Variants in METTL16 observed in about 807,000 individuals in gnomAD.
METTL16 encodes methyltransferase 16, RNA N6-adenosine, also known as RNA N(6)-adenosine-methyltransferase METTL16.
METTL16 carries 19 observed loss-of-function variants against 57.9 expected under a neutral mutation model. That is an observed-to-expected ratio of 0.33 (90% CI 0.23 to 0.48). The LOEUF is 0.48. METTL16 is among the 20% of genes least tolerant of loss of function. The pLI is 0.99. For synonymous variants in METTL16, 246 were observed against 255.6 expected (o/e 0.96, Z 0.36); for missense variants, 434 against 691.5 (o/e 0.63, Z 4.18).
chr17:2,506,702 C>A (rs557057747), intron 1 of METTL16, among the ~76,000 whole-genome samples: 1 of 152,238 alleles, frequency 6.6e-6, no homozygotes, highest in East Asian at 1.9e-4. Flanking sequence ...TCTGCCCAGC[C>A]GCCACCCCGT....
intron 3 of METTL16, 74 bp from the exon 4 acceptor site, chr17:2,473,738 C>G: frequency 6.8e-7 from 1 of 1,468,714 alleles, no homozygotes. Context: ...AAACACCATT[C>G]TTCTCAGAAT....
In METTL16 at chr17:2,418,099, A is replaced by G. The variant is rs1436554972; in HGVS notation, c.*1871T>C. 6.6e-6 allele frequency: 1 copy of G among 152,002 alleles called. No homozygotes were observed. Among genetic ancestry groups the G allele is most frequent in the Admixed American group, 6.6e-5 (1 of 15,244 alleles). The allele number at this position is 152,002 out of a possible 1,614,324, so 9.4% of individuals were successfully genotyped here. The stretch of plus-strand genomic sequence containing the variant: ...TTGTTTTTTGCAGCCTGACACATGA[A>G]TGCTTGGACTAGAATAATGATTCTT... On this transcript the variant is annotated 3_prime_UTR_variant, in exon 10 of 10. Transcript: ENST00000263092.
At chr17:2,508,744 T>G (rs540380132) in intron 1 of METTL16, among the ~76,000 whole-genome samples, 1 of 152,272 alleles carries the variant, frequency 6.6e-6, no homozygotes, top group Non-Finnish European at 1.5e-5. Context: ...AATGTGAACA[T>G]TTCCTTATTA....
At chr17:2,435,400 G>T (rs2066902166) in intron 8 of METTL16, among the ~76,000 whole-genome samples, 1 of 152,140 alleles carries the variant, frequency 6.6e-6, no homozygotes, top group South Asian at 2.1e-4. Flanking sequence ...AGGAGCAAGA[G>T]GGGGAAAGTC....
Position 2,420,320 on chromosome 17 carries a change from G to C in METTL16, c.1339C>G (p.Pro447Ala). Residue 447 changes from proline to alanine, a missense_variant, in exon 10 of 10, where the codon CCG becomes GCG. This residue lies in a region of METTL16 where 168 missense variants were observed against 149.6 expected (regional missense o/e 1.12). Transcript: ENST00000263092. This position sits in a 1 kb window ranked among gnomAD's most constrained non-coding sequence, Gnocchi z 5.4. The stretch of plus-strand genomic sequence containing the variant: ...GACAGGGACTCCTGGCTCGGGCACG[G>C]GCCCTCCACAGCGGCAGCCTCGCCT... Reference protein sequence around the residue: ...REGEAAAVEGPCPSQESLSQE... With the variant: ...REGEAAAVEGACPSQESLSQE... 2 of 1,612,120 alleles carry C rather than the reference G, an allele frequency of 1.2e-6. No individual in the cohort carries two copies. Among genetic ancestry groups the C allele is most frequent in the Non-Finnish European group, 1.7e-6 (2 of 1,180,018 alleles).
intron 8 of METTL16, among the ~76,000 whole-genome samples, chr17:2,433,774 G>T (rs2066891282): frequency 6.6e-6 from 1 of 152,178 alleles, no homozygotes; most frequent in South Asian, 2.1e-4. Context: ...GCTCTTTAAC[G>T]CAAGTCCTAC....
intron 1 of METTL16, among the ~76,000 whole-genome samples, chr17:2,508,249 T>C (rs975555737): frequency 6.6e-6 from 1 of 152,170 alleles, no homozygotes; most frequent in South Asian, 2.1e-4. Context: ...TTTCAGATGG[T>C]TTTTTGACAG....
intron 2 of METTL16, among the ~76,000 whole-genome samples, chr17:2,482,186 G>GT (rs2067312172): frequency 6.6e-6 from 1 of 152,196 alleles, no homozygotes; most frequent in African/African-American, 2.4e-5. Flanking sequence ...AGGAACTACA[G>GT]TAAGTCTTCA....
At chr17:2,462,203 GA>G (rs1458423094) in intron 6 of METTL16, among the ~76,000 whole-genome samples, 1 of 152,076 alleles carries the variant, frequency 6.6e-6, no homozygotes, top group African/African-American at 2.4e-5. Context: ...AAAACATGAC[GA>G]AAAGTGAAAA....
intron 6 of METTL16, among the ~76,000 whole-genome samples, chr17:2,458,784 G>C (rs2067128730): frequency 6.7e-6 from 1 of 150,280 alleles, no homozygotes; most frequent in South Asian, 2.1e-4. Context: ...AATTTATCTA[G>C]AAGGTTAGAT....
intron 6 of METTL16, among the ~76,000 whole-genome samples, chr17:2,457,328 A>G (rs2067118439): frequency 7.8e-6 from 1 of 128,384 alleles, no homozygotes; most frequent in Non-Finnish European, 1.6e-5. Context: ...ACAGAGCGAG[A>G]CTCCGTCTCA....
At chr17:2,433,050 T>C (rs138837730) in intron 8 of METTL16, among the ~76,000 whole-genome samples, 1 of 152,298 alleles carries the variant, frequency 6.6e-6, no homozygotes, top group East Asian at 1.9e-4. Context: ...GTGTAAAGTA[T>C]GCCACAAGGA....
chr17:2,489,280 T>C (rs1385438713), intron 2 of METTL16, among the ~76,000 whole-genome samples: 2 of 152,086 alleles, frequency 1.3e-5, no homozygotes, highest in East Asian at 1.9e-4. Context: ...GCCATTCCTA[T>C]GCTAACTAAA....
chr17:2,464,704 G>A (rs2067177630), intron 5 of METTL16, among the ~76,000 whole-genome samples: 1 of 152,006 alleles, frequency 6.6e-6, no homozygotes, highest in East Asian at 1.9e-4. Flanking sequence ...CATTTTCACG[G>A]TTTTGCTTTT....
Position 2,430,096 on chromosome 17 carries a change from G to A in METTL16, c.888+8013C>T, listed in dbSNP as rs149324779. 1.7e-3 allele frequency among the ~76,000 whole-genome samples: 254 copies of A among 151,354 alleles called. 5 individuals carry two copies. In the East Asian group the frequency reaches 0.025, roughly 15 times the overall value. On this transcript the variant is annotated intron_variant, in intron 8 of 9. Coordinates refer to ENST00000263092, the MANE Select transcript of METTL16 (RefSeq NM_024086.4). The stretch of plus-strand genomic sequence containing the variant: ...CCCAAAGTGCTGGGATTACAGACAT[G>A]AGCCACCTGCCCACTTCCCACTTTT...
intron 2 of METTL16, among the ~76,000 whole-genome samples, chr17:2,485,527 G>A (rs939678208): frequency 1.3e-5 from 2 of 152,144 alleles, no homozygotes; most frequent in Non-Finnish European, 2.9e-5. Context: ...CAGTAGAATT[G>A]TAAAGAAAGT....
At chr17:2,493,333 C>A (rs561825200) in intron 2 of METTL16, among the ~76,000 whole-genome samples, 89 of 151,528 alleles carry the variant, frequency 5.9e-4, no homozygotes, top group African/African-American at 2.1e-3. Flanking sequence ...TCATGATCCG[C>A]CCGCCTTGGC....
chr17:2,475,499 A>C lies in METTL16; in HGVS notation c.329-1835T>G, dbSNP rs532701137. On this transcript the variant is annotated intron_variant, in intron 3 of 9. Transcript: ENST00000263092. ...ACAACTGCCTCTCTCTTCAAACTTC[A>C]ATTTCATTTAAAAGATAAAAAAGTA... Among the ~76,000 whole-genome samples the C allele has an allele frequency of 1.1e-4, 16 of 152,296 alleles. No individual in the cohort carries two copies. In the South Asian group the frequency reaches 3.3e-3, roughly 32 times the overall value.
chr17:2,487,135 G>A (rs1016950441), intron 2 of METTL16, among the ~76,000 whole-genome samples: 2 of 152,118 alleles, frequency 1.3e-5, no homozygotes, highest in Non-Finnish European at 2.9e-5. Context: ...TGATATGTGA[G>A]CTAAGGGATG....
Sources: allele counts gnomAD v4.1 joint callset (sites outside exome capture counted in the v4.1 genomes callset), GRCh38; gene constraint gnomAD v4.1.1; regional missense constraint gnomAD v4.1.1; non-coding constraint Gnocchi (gnomAD v3.1); transcripts MANE v1.5; gene names NCBI Gene and HGNC (gene_info 2026-07-23, HGNC 2026-07-21).